Variants in CCDC141 observed in about 807,000 individuals in gnomAD.
CCDC141 encodes the protein coiled-coil domain-containing protein 141.
A neutral mutation model predicts 181.0 loss-of-function variants in CCDC141; 168 were observed. The ratio of observed to expected loss-of-function variants is 0.93; its 90% confidence interval spans 0.82 to 1.05. The LOEUF is 1.05. Among genes scored for constraint, CCDC141 ranks in the 50% least tolerant of loss-of-function variants. The probability of loss-of-function intolerance (pLI) is 0.00; values close to 1 mark genes in which losing one functional copy is unlikely to be tolerated. For missense variants in CCDC141, 1,902 were observed against 1,788.5 expected (o/e 1.06, Z -1.14); for synonymous variants, 666 against 642.3 (o/e 1.04, Z -0.56).
At chr2:178,962,325 G>A (rs532043782) in intron 4 of CCDC141, among the ~76,000 whole-genome samples, 1 of 152,182 alleles carries the variant, frequency 6.6e-6, no homozygotes, top group East Asian at 1.9e-4. Flanking sequence ...AGGAGCAGTT[G>A]GGGAACTGTC....
intron 6 of CCDC141, among the ~76,000 whole-genome samples, chr2:178,933,865 G>T (rs965500723): frequency 6.6e-6 from 1 of 152,206 alleles, no homozygotes; most frequent in Non-Finnish European, 1.5e-5. Flanking sequence ...GCAGACTGAT[G>T]TGTGCATACC....
At chr2:178,998,405 T>C (rs2154383097) in intron 2 of CCDC141, among the ~76,000 whole-genome samples, 1 of 152,298 alleles carries the variant, frequency 6.6e-6, no homozygotes, top group Middle Eastern at 3.4e-3. Flanking sequence ...TTAAGTATAA[T>C]AGTACATATT....
At chr2:178,924,568 G>A (rs1215668325) in intron 6 of CCDC141, among the ~76,000 whole-genome samples, 2 of 152,236 alleles carry the variant, frequency 1.3e-5, no homozygotes, top group Admixed American at 1.3e-4. Flanking sequence ...ATTATGTCAA[G>A]TTGGATTATA....
intron 2 of CCDC141, among the ~76,000 whole-genome samples, chr2:179,027,027 G>A (rs954611371): frequency 3.4e-4 from 52 of 152,178 alleles, no homozygotes; most frequent in African/African-American, 1.2e-3. Flanking sequence ...ACAGGCCATA[G>A]GTGTGAAGGG....
intron 2 of CCDC141, among the ~76,000 whole-genome samples, chr2:179,028,875 C>A (rs1303798618): frequency 2.0e-5 from 3 of 152,134 alleles, no homozygotes; most frequent in African/African-American, 7.2e-5. Flanking sequence ...CAAGTCCATC[C>A]CACATATAGT....
At chr2:178,964,292 C>A (rs769765907) in intron 4 of CCDC141, among the ~76,000 whole-genome samples, 5 of 152,072 alleles carry the variant, frequency 3.3e-5, no homozygotes, top group Admixed American at 3.3e-4. Context: ...AGCCCACACA[C>A]GAGAAGTTTG....
intron 5 of CCDC141, among the ~76,000 whole-genome samples, chr2:178,960,147 G>A (rs1307430384): frequency 2.0e-5 from 3 of 152,130 alleles, no homozygotes; most frequent in African/African-American, 7.2e-5. Context: ...GAATTACTTA[G>A]CACCAAATGC....
At chr2:178,911,773 C>T (rs1688229423) in intron 7 of CCDC141, among the ~76,000 whole-genome samples, 1 of 152,204 alleles carries the variant, frequency 6.6e-6, no homozygotes, top group South Asian at 2.1e-4. Context: ...CACAATCTCT[C>T]TCTAAGGCAT....
Position 178,977,548 on chromosome 2 carries a change from T to G in CCDC141, c.417+936A>C, listed in dbSNP as rs1386868302. Among the ~76,000 whole-genome samples the G allele has an allele frequency of 2.0e-4, 31 of 152,214 alleles. 1 individual carries two copies. On this transcript the variant is annotated intron_variant, in intron 3 of 23. Transcript: ENST00000443758. ...TGTTCAAATTGTGAAAAACAAGCCT[T>G]GAAAGTTATAATAAGGTTTTTATTC...
chr2:178,993,578 C>A (rs2154382631), intron 2 of CCDC141, among the ~76,000 whole-genome samples: 1 of 152,270 alleles, frequency 6.6e-6, no homozygotes, highest in Non-Finnish European at 1.5e-5. Flanking sequence ...CACATCCAAA[C>A]CATATTATTC....
intron 2 of CCDC141, among the ~76,000 whole-genome samples, chr2:179,021,140 G>A (rs1366351643): frequency 1.3e-5 from 2 of 152,060 alleles, no homozygotes; most frequent in Non-Finnish European, 1.5e-5. Context: ...TCCTTTTATA[G>A]GCATTTTATG....
chr2:178,924,284 T>C lies in CCDC141; in HGVS notation c.898-5377A>G, dbSNP rs6433742. Among the ~76,000 whole-genome samples the C allele has an allele frequency of 2.7e-3, 413 of 152,324 alleles. 1 individual carries two copies. The highest frequency in any genetic ancestry group is 9.2e-3 in the African/African-American group (382 of 41,578). ...GAGAAGCATGTGTTGAGTTCATGTA[T>C]AGTTCCCAAAGCATGGCTGATTCCT... On this transcript the variant is annotated intron_variant, in intron 6 of 23. Coordinates refer to ENST00000443758, the MANE Select transcript of CCDC141 (RefSeq NM_173648.4).
intron 17 of CCDC141, among the ~76,000 whole-genome samples, chr2:178,857,231 A>G (rs1685427641): frequency 6.6e-6 from 1 of 152,170 alleles, no homozygotes; most frequent in Non-Finnish European, 1.5e-5. Context: ...AAAGCTATCC[A>G]TGTTGAAGAG....
chr2:178,863,999 A>C (rs1433801670), intron 17 of CCDC141, among the ~76,000 whole-genome samples: 1 of 152,116 alleles, frequency 6.6e-6, no homozygotes, highest in Non-Finnish European at 1.5e-5. Context: ...AGTCCCTATA[A>C]ATAGAATTCC....
intron 2 of CCDC141, among the ~76,000 whole-genome samples, chr2:178,999,317 A>T (rs1208821335): frequency 6.6e-6 from 1 of 152,070 alleles, no homozygotes; most frequent in Non-Finnish European, 1.5e-5. Context: ...ACCAAGGCCC[A>T]CTGAGTCAAC....
rs892287804 is a variant in CCDC141, at chr2:178,978,517, C to T, written c.384G>A (p.Arg128=). ...CATTTTCAAAAAATTCAGAAGTCAA[C>T]CTAAGGAGCTCTGTTCTTCTTTCAA... ...SMLERRTELL[R]LTSEFFENAL... Residue 128 remains arginine (R), a synonymous_variant, in exon 3 of 24, where the codon AGG becomes AGA. Coordinates refer to ENST00000443758, the MANE Select transcript of CCDC141 (RefSeq NM_173648.4). 3 of 1,524,490 alleles carry T rather than the reference C, an allele frequency of 2.0e-6. No homozygotes were observed. Among genetic ancestry groups the T allele is most frequent in the South Asian group, 1.2e-5 (1 of 80,096 alleles). The allele number at this position is 1,524,490 out of a possible 1,614,324, so 94.4% of individuals were successfully genotyped here.
At chr2:178,966,023 G>A (rs563756108) in intron 4 of CCDC141, among the ~76,000 whole-genome samples, 1 of 152,284 alleles carries the variant, frequency 6.6e-6, no homozygotes, top group South Asian at 2.1e-4. Context: ...GAACTGGTGG[G>A]AGCCCACTGC....
intron 8 of CCDC141, among the ~76,000 whole-genome samples, chr2:178,903,245 TC>T (rs1261523107): frequency 1.3e-5 from 2 of 150,534 alleles, no homozygotes; most frequent in Non-Finnish European, 3.0e-5. Context: ...GACCCAGCCA[TC>T]CCATTACTGG....
At chr2:179,021,188 G>A (rs2042683030) in intron 2 of CCDC141, among the ~76,000 whole-genome samples, 1 of 152,074 alleles carries the variant, frequency 6.6e-6, no homozygotes, top group African/African-American at 2.4e-5. Context: ...ACCTTCCGTT[G>A]TAAACCATGC....
Sources: gnomAD v4.1 joint callset for allele counts (sites outside exome capture counted in the v4.1 genomes callset) on GRCh38, gnomAD v4.1.1 for gene constraint, MANE v1.5 for transcripts, NCBI Gene and HGNC (gene_info 2026-07-23, HGNC 2026-07-21) for gene names.